The following TEX53 variants were observed in gnomAD, a reference collection of about 807,000 sequenced individuals.
The protein encoded by TEX53 is testis-expressed protein 53.
rs547983093 is a variant in TEX53, at chr9:114,656,343, C to T, written c.*186G>A. On this transcript the variant is annotated 3_prime_UTR_variant, in exon 2 of 2. Transcript: ENST00000423632. ...ACTTTAATTGGAGGCGGCTCCCCCCCACGGTGGCTTTTTCAGAAGCTGGAG... is the reference window on the plus strand; with the variant it reads ...ACTTTAATTGGAGGCGGCTCCCCCCTACGGTGGCTTTTTCAGAAGCTGGAG... The T allele has an allele frequency of 7.8e-4, 303 of 387,034 alleles. 5 individuals carry two copies. The East Asian group carries it at 0.011, about 14-fold the overall frequency. The allele number at this position is 387,034 out of a possible 1,614,324, so 24.0% of individuals were successfully genotyped here.
intron 1 of TEX53, among the ~76,000 whole-genome samples, chr9:114,657,166 G>T (rs1426708580): frequency 6.6e-6 from 1 of 152,092 alleles, no homozygotes; most frequent in Non-Finnish European, 1.5e-5. Flanking sequence ...GTGAGCCACC[G>T]TGCCCGGCCT....
chr9:114,656,609 T>G lies in TEX53; in HGVS notation c.133A>C (p.Ser45Arg). The change falls in exon 2 of 2, where the codon AGT becomes CGT. Residue 45 changes from serine (S) to arginine (R), a missense_variant. Transcript: ENST00000423632. ...SFNLNTNSLH[S>R]AVPKRHPRLP... Reference sequence around the variant, plus strand: ...CGTGGATGTCTTTTTGGTACAGCACTGTGGAGAGAATTTGTGTTCAGATCT... The same window carrying G: ...CGTGGATGTCTTTTTGGTACAGCACGGTGGAGAGAATTTGTGTTCAGATCT... The G allele has an allele frequency of 2.5e-6, 1 of 398,618 alleles. No individual in the cohort carries two copies. The highest frequency in any genetic ancestry group is 4.4e-6 in the Non-Finnish European group (1 of 226,074). The allele number at this position is 398,618 out of a possible 1,614,324, so 24.7% of individuals were successfully genotyped here. A position where few individuals can be genotyped will look rare whatever the true frequency, so the allele number is the denominator to read the frequency against.
intron 1 of TEX53, among the ~76,000 whole-genome samples, chr9:114,656,999 C>T (rs1210674576): frequency 6.6e-6 from 1 of 152,148 alleles, no homozygotes; most frequent in African/African-American, 2.4e-5. Flanking sequence ...GCCTCAGCCT[C>T]CTGAGTAGCT....
Position 114,657,747 on chromosome 9 carries a change from G to A in TEX53, c.28C>T (p.Arg10Cys), listed in dbSNP as rs1827729366. Residue 10 changes from arginine to cysteine, a missense_variant, in exon 1 of 2, where the codon CGC (arginine) becomes TGC (cysteine). Physicochemically the swap from Arg to Cys is radical, Grantham distance 180 (BLOSUM62 -3). Coordinates refer to ENST00000423632, the MANE Select transcript of TEX53 (RefSeq NM_001354645.2). MGSKIFCCC[R>C]KTSEGSSTTV... is the part of the protein sequence containing the mutation. Reference sequence around the variant, plus strand: ...GTGGAAGACCCCTCGCTGGTCTTGCGGCAACAACAGAAGATCTTGGACCCC... The same window carrying A: ...GTGGAAGACCCCTCGCTGGTCTTGCAGCAACAACAGAAGATCTTGGACCCC... The A allele has an allele frequency of 1.5e-5, 6 of 398,528 alleles. No individual in the cohort carries two copies. Among genetic ancestry groups the A allele is most frequent in the Non-Finnish European group, 2.7e-5 (6 of 226,112 alleles). 24.7% of individuals were successfully genotyped at this position (398,528 alleles called of 1,614,324 possible). A position where few individuals can be genotyped will look rare whatever the true frequency, so the allele number is the denominator to read the frequency against.
At chr9:114,657,315 AG>A (rs1333142503) in intron 1 of TEX53, among the ~76,000 whole-genome samples, 1 of 152,124 alleles carries the variant, frequency 6.6e-6, no homozygotes, top group African/African-American at 2.4e-5. Context: ...AGGCTTAGAG[AG>A]GGAGGGTCGG....
Position 114,656,495 on chromosome 9 carries a change from G to A in TEX53, c.*34C>T, listed in dbSNP as rs532781134. ...ATGGAAGCCCAGCAGCTGTGCAGCC[G>A]CAGGGACCACGTGGGTGCCGCCGGC... On this transcript the variant is annotated 3_prime_UTR_variant, in exon 2 of 2. Coordinates refer to ENST00000423632, the MANE Select transcript of TEX53 (RefSeq NM_001354645.2). 152 of 398,296 alleles carry A rather than the reference G, an allele frequency of 3.8e-4. No individual in the cohort carries two copies. Among genetic ancestry groups the A allele is most frequent in the Middle Eastern group, 3.1e-3 (5 of 1,588 alleles). The allele number at this position is 398,296 out of a possible 1,614,324, so 24.7% of individuals were successfully genotyped here.
intron 1 of TEX53, among the ~76,000 whole-genome samples, chr9:114,657,351 G>A (rs1414480017): frequency 6.6e-6 from 1 of 152,192 alleles, no homozygotes; most frequent in Non-Finnish European, 1.5e-5. Flanking sequence ...TCAGTAAGCA[G>A]CAGAGGCAGA....
intron 1 of TEX53, among the ~76,000 whole-genome samples, chr9:114,656,911 CT>C (rs1827712011): frequency 6.6e-6 from 1 of 152,044 alleles, no homozygotes; most frequent in Non-Finnish European, 1.5e-5. Flanking sequence ...GAGTCTCGCT[CT>C]GTCGCTCAGG....
intron 1 of TEX53, among the ~76,000 whole-genome samples, chr9:114,656,862 A>G (rs1163272302): frequency 1.3e-5 from 2 of 152,116 alleles, no homozygotes; most frequent in African/African-American, 2.4e-5. Context: ...ACATCCACAG[A>G]TATCATTTGT....
At position 114,657,687 on chromosome 9, in the gene TEX53, G is replaced by C. The variant is rs1345192343; in HGVS notation, c.88C>G (p.Gln30Glu). The C allele has an allele frequency of 2.5e-6, 1 of 398,574 alleles. No homozygotes were observed. The highest frequency in any genetic ancestry group is 2.1e-5 in the African/African-American group (1 of 48,648). The allele number at this position is 398,574 out of a possible 1,614,324, so 24.7% of individuals were successfully genotyped here. ...CTACTGAAGGACCGTGGATGATGCT[G>C]TTCGAACATTCTTGGATTGTGGAAG... ...VGFHNPRMFE[Q>E]HHPRSFNLNT... The change falls in exon 1 of 2, where the codon CAG (glutamine) becomes GAG (glutamate). Residue 30 changes from glutamine to glutamate, a missense_variant. Transcript: ENST00000423632.
Position 114,656,542 on chromosome 9 carries a change from A to C in TEX53, c.200T>G (p.Leu67Arg). 2.5e-6 allele frequency: 1 copy of C among 398,622 alleles called. No individual in the cohort carries two copies. Among genetic ancestry groups the C allele is most frequent in the Non-Finnish European group, 4.4e-6 (1 of 226,072 alleles). 24.7% of individuals were successfully genotyped at this position (398,622 alleles called of 1,614,324 possible). A position where few individuals can be genotyped will look rare whatever the true frequency, so the allele number is the denominator to read the frequency against. Residue 67 changes from leucine to arginine, a missense_variant, in exon 2 of 2, where the codon CTT (leucine) becomes CGT (arginine). Leu to Arg is a moderately radical substitution (Grantham distance 102, BLOSUM62 -2). Transcript: ENST00000423632. ...DNRMMLKACI[L>R]RRP Reference sequence around the variant, plus strand: ...CGGCTAGAATGCTCATGGCCTCCTAAGGATGCACGCCTTGAGCATCATGCG... The same window carrying C: ...CGGCTAGAATGCTCATGGCCTCCTACGGATGCACGCCTTGAGCATCATGCG...
rs1827705774 is a variant in TEX53, at chr9:114,656,342, C to A, written c.*187G>T. ...GACTTTAATTGGAGGCGGCTCCCCC[C>A]CACGGTGGCTTTTTCAGAAGCTGGA... On this transcript the variant is annotated 3_prime_UTR_variant, in exon 2 of 2. Coordinates refer to ENST00000423632, the MANE Select transcript of TEX53 (RefSeq NM_001354645.2). 4 of 386,710 alleles carry A rather than the reference C, an allele frequency of 1.0e-5. No homozygotes were observed. The highest frequency in any genetic ancestry group is 4.6e-6 in the Non-Finnish European group (1 of 219,404). 24.0% of individuals were successfully genotyped at this position (386,710 alleles called of 1,614,324 possible).
rs1293486607 is a variant in TEX53, at chr9:114,656,515, G to A, written c.*14C>T. The A allele has an allele frequency of 5.0e-6, 2 of 398,440 alleles. No individual in the cohort carries two copies. The highest frequency in any genetic ancestry group is 2.1e-5 in the African/African-American group (1 of 48,634). 24.7% of individuals were successfully genotyped at this position (398,440 alleles called of 1,614,324 possible). On this transcript the variant is annotated 3_prime_UTR_variant, in exon 2 of 2. Coordinates refer to ENST00000423632, the MANE Select transcript of TEX53 (RefSeq NM_001354645.2). ...CAGCCGCAGGGACCACGTGGGTGCC[G>A]CCGGCTAGAATGCTCATGGCCTCCT...
Position 114,656,761 on chromosome 9 carries a change from G to T in TEX53, c.110-129C>A, listed in dbSNP as rs1316152898. ...TCTCTTTAAAAATAAAAGTTTGCTTGTATGAGCTAAGAATGATCTCGAGCT... is the reference window on the plus strand; with the variant it reads ...TCTCTTTAAAAATAAAAGTTTGCTTTTATGAGCTAAGAATGATCTCGAGCT... On this transcript the variant is annotated intron_variant, in intron 1 of 1. Transcript: ENST00000423632. The T allele has an allele frequency of 6.6e-5, 26 of 394,354 alleles. No homozygotes were observed. In the Middle Eastern group the frequency reaches 1.9e-3, roughly 29 times the overall value. 24.4% of individuals were successfully genotyped at this position (394,354 alleles called of 1,614,324 possible). A position where few individuals can be genotyped will look rare whatever the true frequency, so the allele number is the denominator to read the frequency against.
chr9:114,657,455 C>T (rs140058308), intron 1 of TEX53, among the ~76,000 whole-genome samples: 12 of 152,286 alleles, frequency 7.9e-5, no homozygotes, highest in African/African-American at 1.4e-4. Context: ...GTGATTTCAA[C>T]GAATATCTAC....
intron 1 of TEX53, 55 bp from the exon 2 acceptor site, chr9:114,656,687 T>C: frequency 2.5e-6 from 1 of 398,140 alleles, no homozygotes; most frequent in Non-Finnish European, 4.4e-6. Flanking sequence ...GTGATGCGCG[T>C]ATAACCTATC....
chr9:114,656,977 C>A (rs1468077264), intron 1 of TEX53, among the ~76,000 whole-genome samples: 3 of 152,108 alleles, frequency 2.0e-5, no homozygotes, highest in African/African-American at 7.2e-5. Flanking sequence ...CCTCGGTTCA[C>A]TCCATTCTCC....
intron 1 of TEX53, 56 bp downstream of exon 1, chr9:114,657,610 G>A: frequency 2.5e-6 from 1 of 398,490 alleles, no homozygotes. Context: ...AGGCCGAGGC[G>A]CAGAGAATCA....
In TEX53 at chr9:114,657,744, T is replaced by G; in HGVS notation, c.31A>C (p.Lys11Gln). 1 of 398,712 alleles carries G rather than the reference T, an allele frequency of 2.5e-6. No homozygotes were observed. Among genetic ancestry groups the G allele is most frequent in the Non-Finnish European group, 4.4e-6 (1 of 226,112 alleles). The allele number at this position is 398,712 out of a possible 1,614,324, so 24.7% of individuals were successfully genotyped here. The part of the protein sequence containing the change: MGSKIFCCCR[K>Q]TSEGSSTTVG... ...GTGGTGGAAGACCCCTCGCTGGTCT[T>G]GCGGCAACAACAGAAGATCTTGGAC... Residue 11 changes from lysine to glutamine, a missense_variant, in exon 1 of 2, where the codon AAG (lysine) becomes CAG (glutamine). Physicochemically the swap from Lys to Gln is moderately conservative, Grantham distance 53 (BLOSUM62 1). Coordinates refer to ENST00000423632, the MANE Select transcript of TEX53 (RefSeq NM_001354645.2).
Sources: allele counts gnomAD v4.1 joint callset (sites outside exome capture counted in the v4.1 genomes callset), GRCh38; gene constraint gnomAD v4.1.1; transcripts MANE v1.5; gene names NCBI Gene and HGNC (gene_info 2026-07-23, HGNC 2026-07-21).